Variants in ACAP3 observed in about 807,000 individuals in gnomAD.
The protein encoded by ACAP3 is ArfGAP with coiled-coil, ankyrin repeat and PH domains 3.
ACAP3 carries 56 observed loss-of-function variants against 104.1 expected under a neutral mutation model. The observed-to-expected ratio is 0.54, with a 90% CI of 0.43 to 0.67. ACAP3 has a LOEUF of 0.67. ACAP3 is among the 30% of genes least tolerant of loss of function. The pLI is 0.00. For synonymous variants in ACAP3, 628 were observed against 496.2 expected (o/e 1.27, Z -3.53); for missense variants, 1,208 against 1,174.9 (o/e 1.03, Z -0.41).
In ACAP3 at chr1:1,299,975, C is replaced by A. The variant is rs12409951; in HGVS notation, c.661G>T (p.Glu221Ter). 2.5e-6 allele frequency: 4 copies of A among 1,608,748 alleles called. No homozygotes were observed. Among genetic ancestry groups the A allele is most frequent in the African/African-American group, 1.3e-5 (1 of 74,852 alleles). The change falls in exon 8 of 24, where the codon GAG becomes TAG. Residue 221 changes from glutamate to a stop codon, truncating the protein, a stop_gained and splice_region_variant. Coordinates refer to ENST00000354700, the MANE Select transcript of ACAP3 (RefSeq NM_030649.3). LOFTEE classifies it high-confidence loss of function. Reference sequence around the variant, plus strand: ...CCCCACCCCTCCCAAAGGCTCACCTCGGCTGCCAGCTTCTTCATGTAGGGG... The same window carrying A: ...CCCCACCCCTCCCAAAGGCTCACCTAGGCTGCCAGCTTCTTCATGTAGGGG... ...LDPYMKKLAA[E>*]LDQLVIDSAV...
chr1:1,296,114 CG>C lies in ACAP3; in HGVS notation c.1408-6del. 9 of 1,612,692 alleles carry C rather than the reference CG, an allele frequency of 5.6e-6. No individual in the cohort carries two copies. Among genetic ancestry groups the C allele is most frequent in the Non-Finnish European group, 7.6e-6 (9 of 1,179,932 alleles). Reference sequence around the variant, plus strand: ...GTTTCCAAGCTCACACATCAGCTAGCGGGAGACAGGGCGAGCAGGCATCAGT... The same window carrying C: ...GTTTCCAAGCTCACACATCAGCTAGCGGAGACAGGGCGAGCAGGCATCAGT... On this transcript the variant is annotated splice_polypyrimidine_tract_variant and splice_region_variant and intron_variant, in intron 16 of 23. Transcript: ENST00000354700.
rs748891347 is a variant in ACAP3 at position 1,303,322 on chromosome 1, C to T, written c.106-41G>A. The T allele has an allele frequency of 7.8e-6, 12 of 1,545,108 alleles. No individual in the cohort carries two copies. Among genetic ancestry groups the T allele is most frequent in the African/African-American group, 2.7e-5 (2 of 73,204 alleles). ...GCGTGGTGAGCACAGTGGGCACTGGCGCCTGCACTCGCCACCACACACGGC... is the reference window on the plus strand; with the variant it reads ...GCGTGGTGAGCACAGTGGGCACTGGTGCCTGCACTCGCCACCACACACGGC... On this transcript the variant is annotated intron_variant, in intron 2 of 23. Transcript: ENST00000354700. The surrounding 1 kb of genome is among the most constrained non-coding windows in gnomAD (Gnocchi z 4.0).
Position 1,298,397 on chromosome 1 carries a change from G to C in ACAP3, c.888C>G (p.Ser296Arg), listed in dbSNP as rs1270650891. The C allele has an allele frequency of 6.2e-7, 1 of 1,602,978 alleles. No homozygotes were observed. The highest frequency in any genetic ancestry group is 8.5e-7 in the Non-Finnish European group (1 of 1,174,718). The change falls in exon 12 of 24, where the codon AGC becomes AGG. Residue 296 changes from serine to arginine, a missense_variant. Physicochemically the swap from Ser to Arg is moderately radical, Grantham distance 110. Transcript: ENST00000354700. The part of the protein sequence containing the change: ...WNRRWFSIQN[S>R]QLVYQKKLKD... ...TGAGCTTCTTCTGGTAGACCAGCTG[G>C]CTGTTCTGAATGGAGAACCAGCGCC...
In ACAP3 at chr1:1,294,127, C is replaced by T. The variant is rs753907852; in HGVS notation, c.2212G>A (p.Ala738Thr). The stretch of plus-strand genomic sequence containing the variant: ...AGCAGCGTGGCGTGGTGCAGGGGCG[C>T]CCGGCCCCGGCTGTCTCTTTGGTTC... ...DVNQRDSRGR[A>T]PLHHATLLGR... Residue 738 changes from alanine to threonine, a missense_variant, in exon 22 of 24, where the codon GCG becomes ACG. Transcript: ENST00000354700. 9.4e-6 allele frequency: 15 copies of T among 1,590,590 alleles called. No individual in the cohort carries two copies. The Admixed American group carries it at 1.7e-4, about 19-fold the overall frequency.
rs779727003 is a variant in ACAP3, at chr1:1,303,216, G to A, written c.171C>T (p.Phe57=). The change falls in exon 3 of 24, where the codon TTC becomes TTT. Residue 57 remains phenylalanine (F), a synonymous_variant. Coordinates refer to ENST00000354700, the MANE Select transcript of ACAP3 (RefSeq NM_030649.3). The surrounding 1 kb of genome is among the most constrained non-coding windows in gnomAD (Gnocchi z 4.0). ...GKAYVSTSRL[F]VSGVRDLSQQ... is the part of the protein sequence containing the mutation. ...GGGACAGGTCGCGGACGCCGCTCAC[G>A]AAAAGCCTGCTGGTGCTGACGTAGG... The A allele has an allele frequency of 2.1e-5, 34 of 1,607,372 alleles. No individual in the cohort carries two copies. The highest frequency in any genetic ancestry group is 1.0e-4 in the Admixed American group (6 of 59,396).
At position 1,307,830 on chromosome 1, in the gene ACAP3, C is replaced by T. The variant is rs916918895; in HGVS notation, c.-15G>A. On this transcript the variant is annotated 5_prime_UTR_variant, in exon 1 of 24. Coordinates refer to ENST00000354700, the MANE Select transcript of ACAP3 (RefSeq NM_030649.3). ...TCCACGGTCATGGCTGCGGCGGCCG[C>T]GGCGCTCACTGGCACGAGGACCGCG... is the stretch of plus-strand genomic sequence containing the variant. 1.8e-5 allele frequency: 19 copies of T among 1,048,638 alleles called. No individual in the cohort carries two copies. Among genetic ancestry groups the T allele is most frequent in the Non-Finnish European group, 2.2e-5 (19 of 872,016 alleles). The allele number at this position is 1,048,638 out of a possible 1,614,324, so 65.0% of individuals were successfully genotyped here.
intron 1 of ACAP3, chr1:1,307,346 T>TA: frequency 7.8e-7 from 1 of 1,289,712 alleles, no homozygotes; most frequent in Non-Finnish European, 1.0e-6. Context: ...CCCCAGGCCT[T>TA]AAACGCGGCT....
At chr1:1,301,187 C>T (rs1366127095) in intron 5 of ACAP3, among the ~76,000 whole-genome samples, 1 of 151,774 alleles carries the variant, frequency 6.6e-6, no homozygotes, top group Non-Finnish European at 1.5e-5. Flanking sequence ...TCTCCCACCT[C>T]GGCCTCCCAA....
At chr1:1,307,698 C>G (rs1641804565) in intron 1 of ACAP3, 71 bp downstream of exon 1, 2 of 1,066,402 alleles carry the variant, frequency 1.9e-6, no homozygotes, top group Non-Finnish European at 2.3e-6. Context: ...CCTCCCCACC[C>G]CGCCGCCGGG....
chr1:1,302,534 G>C (rs902801195), intron 4 of ACAP3, among the ~76,000 whole-genome samples: 2 of 152,192 alleles, frequency 1.3e-5, no homozygotes, highest in African/African-American at 4.8e-5. Flanking sequence ...CCTCTGTTCA[G>C]TCTGCGGCTC....
chr1:1,307,360 G>A (rs760591111), intron 1 of ACAP3: 4 of 1,289,852 alleles, frequency 3.1e-6, no homozygotes, highest in Admixed American at 2.3e-5. Context: ...CGCGGCTCCA[G>A]CTGCCTGTTC....
chr1:1,294,715 C>T lies in ACAP3; in HGVS notation c.1912+3G>A. 1 of 1,549,490 alleles carries T rather than the reference C, an allele frequency of 6.5e-7. No individual in the cohort carries two copies. Among genetic ancestry groups the T allele is most frequent in the Non-Finnish European group, 8.7e-7 (1 of 1,146,504 alleles). On this transcript the variant is annotated splice_donor_region_variant and intron_variant, in intron 20 of 23. Transcript: ENST00000354700. ...CCTCGGGCGAGGGCAAGACGCCACC[C>T]ACCCTCCTCAGTGACGCTGTCCACC...
intron 1 of ACAP3, chr1:1,307,423 C>T (rs1283571339): frequency 5.2e-5 from 67 of 1,293,320 alleles, no homozygotes; most frequent in Non-Finnish European, 6.1e-5. Context: ...GGCCGACGCC[C>T]CCACGGACCC....
In ACAP3 at chr1:1,303,607, T is replaced by G. The variant is rs1263202348; in HGVS notation, c.106-326A>C. 1 of 463,422 alleles carries G rather than the reference T, an allele frequency of 2.2e-6. No individual in the cohort carries two copies. The highest frequency in any genetic ancestry group is 3.9e-6 in the Non-Finnish European group (1 of 255,904). The allele number at this position is 463,422 out of a possible 1,614,324, so 28.7% of individuals were successfully genotyped here. A position where few individuals can be genotyped will look rare whatever the true frequency, so the allele number is the denominator to read the frequency against. ...GCCCACTCCCAGCTCCACGGCCTGT[T>G]GCCCCCTCCTCTTTCTCAGCCCATG... On this transcript the variant is annotated intron_variant, in intron 2 of 23. Transcript: ENST00000354700. The surrounding 1 kb of genome is among the most constrained non-coding windows in gnomAD (Gnocchi z 4.0).
chr1:1,298,585 G>A lies in ACAP3; in HGVS notation c.845C>T (p.Ala282Val). ...CTCTCACCGGTTCCATGTCTTGAAA[G>A]CGTTGCTGGCCCTCTTGAAGAGGTA... ...EGYLFKRASN[A>V]FKTWNRRWFS... Residue 282 changes from alanine (A) to valine (V), a missense_variant, in exon 11 of 24, where the codon GCT (alanine) becomes GTT (valine). Coordinates refer to ENST00000354700, the MANE Select transcript of ACAP3 (RefSeq NM_030649.3). The A allele has an allele frequency of 1.3e-6, 2 of 1,584,488 alleles. No individual in the cohort carries two copies. The highest frequency in any genetic ancestry group is 8.6e-7 in the Non-Finnish European group (1 of 1,167,472).
At chr1:1,305,812 CG>C (rs1342363077) in intron 1 of ACAP3, 2 of 152,234 alleles carry the variant, frequency 1.3e-5, no homozygotes, top group Non-Finnish European at 2.9e-5. Flanking sequence ...TTCCCCTACA[CG>C]GGCTCCCCTG....
chr1:1,304,257 C>G, intron 1 of ACAP3, 114 bp from the exon 2 acceptor site: 1 of 1,333,042 alleles, frequency 7.5e-7, no homozygotes, highest in South Asian at 1.3e-5. Context: ...TTTCAGGAAA[C>G]AGGCTGGGAG....
Position 1,304,069 on chromosome 1 carries a change from C to A in ACAP3, c.105+17G>T. 2 of 1,550,498 alleles carry A rather than the reference C, an allele frequency of 1.3e-6. No homozygotes were observed. Among genetic ancestry groups the A allele is most frequent in the Non-Finnish European group, 1.7e-6 (2 of 1,146,854 alleles). Reference sequence around the variant, plus strand: ...CAAGCTTGGCCGGGCACAGGGCGCTCCAGGCCCGCCCTTCACCTTGTCCAG... The same window carrying A: ...CAAGCTTGGCCGGGCACAGGGCGCTACAGGCCCGCCCTTCACCTTGTCCAG... On this transcript the variant is annotated intron_variant, in intron 2 of 23. Coordinates refer to ENST00000354700, the MANE Select transcript of ACAP3 (RefSeq NM_030649.3).
chr1:1,300,581 C>T lies in ACAP3; in HGVS notation c.450G>A (p.Val150=). 2 of 1,611,722 alleles carry T rather than the reference C, an allele frequency of 1.2e-6. No individual in the cohort carries two copies. The highest frequency in any genetic ancestry group is 1.7e-6 in the Non-Finnish European group (2 of 1,179,566). The change falls in exon 6 of 24, where the codon GTG becomes GTA. Residue 150 remains valine, a synonymous_variant. Transcript: ENST00000354700. ...AQAPRHRPHE[V]EEATGALTLT... is the part of the protein sequence containing the mutation. ...GGGTGAGGGCCCCGGTGGCTTCCTC[C>T]ACCTCGTGGGGCCGGTGCCTCGGGG...
Sources: gnomAD v4.1 joint callset for allele counts (sites outside exome capture counted in the v4.1 genomes callset) on GRCh38, gnomAD v4.1.1 for gene constraint, Gnocchi (gnomAD v3.1) non-coding constraint, MANE v1.5 for transcripts, NCBI Gene and HGNC (gene_info 2026-07-23, HGNC 2026-07-21) for gene names.